ARID1B: variants seen among roughly 807,000 people sequenced by gnomAD.
ARID1B encodes the protein AT-rich interactive domain-containing protein 1B.
Under a neutral mutation model 212.3 loss-of-function variants are expected in ARID1B, and 30 were observed. That is an observed-to-expected ratio of 0.14 (90% CI 0.11 to 0.19). The LOEUF is 0.19. Ranked by LOEUF, ARID1B falls within the 10% of genes least tolerant of loss-of-function variation. ARID1B has a pLI of 1.00. For synonymous variants in ARID1B, 1,402 were observed against 1,301.7 expected, an observed-to-expected ratio of 1.08 and a Z score of -1.66; for missense variants, 2,891 against 3,204.0, an observed-to-expected ratio of 0.90 and a Z score of 2.36.
At chr6:157,159,893 CCTTTA>C (rs1186182415) in intron 8 of ARID1B, among the ~76,000 whole-genome samples, 1 of 152,216 alleles carries the variant, frequency 6.6e-6, no homozygotes, top group Non-Finnish European at 1.5e-5. Context: ...TACTACTGTT[CCTTTA>C]CTTAGAAGTT....
intron 4 of ARID1B, among the ~76,000 whole-genome samples, chr6:157,081,957 GC>G (rs1391543374): frequency 6.6e-6 from 1 of 151,858 alleles, no homozygotes; most frequent in Non-Finnish European, 1.5e-5. Flanking sequence ...AACATGAAAA[GC>G]CTATTTCCTG....
chr6:156,860,939 T>G (rs1331103653), intron 2 of ARID1B, among the ~76,000 whole-genome samples: 2 of 152,218 alleles, frequency 1.3e-5, no homozygotes, highest in African/African-American at 4.8e-5. Flanking sequence ...GCAACCAACA[T>G]TTTAGAATTT....
chr6:157,148,780 G>C lies in ARID1B; in HGVS notation c.2918G>C (p.Gly973Ala), dbSNP rs771600870. Reference protein sequence around the residue: ...AVPLGRMPSAGMQNRPFPGNM... With the variant: ...AVPLGRMPSAAMQNRPFPGNM... ...CCCCTGGGACGAATGCCATCAGCTGGGATGCAGAACAGACCATTTCCTGGA... is the reference window on the plus strand; with the variant it reads ...CCCCTGGGACGAATGCCATCAGCTGCGATGCAGAACAGACCATTTCCTGGA... Residue 973 changes from glycine to alanine, a missense_variant, in exon 8 of 20, where the codon GGG (glycine) becomes GCG (alanine). Around this residue, in one of 7 missense-constraint regions of ARID1B, gnomAD observed 1,643 missense variants for 1,544.0 expected, o/e 1.06. Coordinates refer to ENST00000636930, the MANE Select transcript of ARID1B (RefSeq NM_001374828.1). The surrounding 1 kb of genome is among the most constrained non-coding windows in gnomAD (Gnocchi z 5.6). 1.2e-6 allele frequency: 2 copies of C among 1,613,078 alleles called. No individual in the cohort carries two copies. The highest frequency in any genetic ancestry group is 1.7e-6 in the Non-Finnish European group (2 of 1,179,936).
At position 156,935,481 on chromosome 6, in the gene ARID1B, G is replaced by T. The variant is rs1792120580; in HGVS notation, c.2152G>T (p.Gly718Cys). ...YQPQQDMSQE[G>C]YGTRSQPPLA... is the part of the protein sequence containing the mutation. ...TTTTTTTTAGGACATGTCTCAGGAA[G>T]GCTATGGAACTAGATCTCAACCTCC... Residue 718 changes from glycine (G) to cysteine (C), a missense_variant, in exon 4 of 20, where the codon GGC becomes TGC. By Grantham distance (159) the Gly-to-Cys change is radical. This residue lies in a region of ARID1B where 1,643 missense variants were observed against 1,544.0 expected (regional missense o/e 1.06). Coordinates refer to ENST00000636930, the MANE Select transcript of ARID1B (RefSeq NM_001374828.1). 5 of 1,613,016 alleles carry T rather than the reference G, an allele frequency of 3.1e-6. No individual in the cohort carries two copies. The East Asian group carries it at 1.1e-4, about 36-fold the overall frequency.
intron 2 of ARID1B, among the ~76,000 whole-genome samples, chr6:156,866,262 G>A (rs996805007): frequency 2.6e-5 from 4 of 152,162 alleles, no homozygotes; most frequent in Non-Finnish European, 5.9e-5. Flanking sequence ...TCTTCTACGA[G>A]GAGGAAATCT....
At chr6:157,161,454 T>TATATA (rs1790939734) in intron 8 of ARID1B, among the ~76,000 whole-genome samples, 1 of 149,136 alleles carries the variant, frequency 6.7e-6, no homozygotes, top group African/African-American at 2.5e-5. Flanking sequence ...TATATATATA[T>TATATA]TTTGGCGGGG....
chr6:156,990,387 A>G, intron 4 of ARID1B, among the ~76,000 whole-genome samples: 1 of 152,064 alleles, frequency 6.6e-6, no homozygotes, highest in Non-Finnish European at 1.5e-5. Context: ...TCACACCTGT[A>G]ATCCCAGCAC....
In ARID1B at chr6:156,988,753, G is replaced by A. The variant is rs116591228; in HGVS notation, c.2247+53177G>A. ...AATCACTTCCGACACACTTCAGCAT[G>A]TTGAGCCATCTGATAGGGAGGGACA... On this transcript the variant is annotated intron_variant, in intron 4 of 19. Coordinates refer to ENST00000636930, the MANE Select transcript of ARID1B (RefSeq NM_001374828.1). 2.4e-3 allele frequency among the ~76,000 whole-genome samples: 368 copies of A among 152,262 alleles called. 4 individuals are homozygous for A. Among genetic ancestry groups the A allele is most frequent in the African/African-American group, 8.3e-3 (343 of 41,542 alleles).
Position 157,208,026 on chromosome 6 carries a change from C to A in ARID1B, c.*135C>A. ...CTCCTCTGCCCCATTCACTATTTACCAATTGGGAATTAAAGAAATAATTAA... is the reference window on the plus strand; with the variant it reads ...CTCCTCTGCCCCATTCACTATTTACAAATTGGGAATTAAAGAAATAATTAA... On this transcript the variant is annotated 3_prime_UTR_variant, in exon 20 of 20. Coordinates refer to ENST00000636930, the MANE Select transcript of ARID1B (RefSeq NM_001374828.1). 3 of 912,612 alleles carry A rather than the reference C, an allele frequency of 3.3e-6. No homozygotes were observed. Among genetic ancestry groups the A allele is most frequent in the Non-Finnish European group, 4.5e-6 (3 of 663,828 alleles). 56.5% of individuals were successfully genotyped at this position (912,612 alleles called of 1,614,324 possible). A position where few individuals can be genotyped will look rare whatever the true frequency, so the allele number is the denominator to read the frequency against.
At chr6:156,926,576 T>C (rs970898479) in intron 3 of ARID1B, among the ~76,000 whole-genome samples, 5 of 152,154 alleles carry the variant, frequency 3.3e-5, no homozygotes, top group African/African-American at 1.2e-4. Context: ...AAGTAGATAA[T>C]GGTGTAATTA....
chr6:157,084,343 T>C (rs527249060), intron 4 of ARID1B, among the ~76,000 whole-genome samples: 5 of 152,126 alleles, frequency 3.3e-5, no homozygotes, highest in Non-Finnish European at 7.4e-5. Flanking sequence ...CCAGGCAGAG[T>C]GCTGTCTGTG....
chr6:157,087,981 A>G (rs1785058023), intron 5 of ARID1B, among the ~76,000 whole-genome samples: 1 of 152,212 alleles, frequency 6.6e-6, no homozygotes, highest in Non-Finnish European at 1.5e-5. Flanking sequence ...TCATAGGCAA[A>G]CATTTATGCT....
chr6:156,930,936 A>G (rs1357217260), intron 3 of ARID1B, among the ~76,000 whole-genome samples: 1 of 152,204 alleles, frequency 6.6e-6, no homozygotes, highest in Non-Finnish European at 1.5e-5. Flanking sequence ...TATGCCTGTA[A>G]TCCCAGCACT....
intron 2 of ARID1B, among the ~76,000 whole-genome samples, chr6:156,875,325 G>C (rs1786459651): frequency 6.6e-6 from 1 of 152,222 alleles, no homozygotes; most frequent in Non-Finnish European, 1.5e-5. Flanking sequence ...ACTCATTTGA[G>C]TACCATAAGC....
chr6:156,846,320 AAT>A (rs1464707790), intron 2 of ARID1B, among the ~76,000 whole-genome samples: 122 of 98,430 alleles, frequency 1.2e-3, no homozygotes, highest in African/African-American at 4.7e-3. Flanking sequence ...ACACCTGGCT[AAT>A]ATTTTTTTTT....
intron 4 of ARID1B, among the ~76,000 whole-genome samples, chr6:157,075,094 G>T (rs1784222887): frequency 6.6e-6 from 1 of 152,126 alleles, no homozygotes; most frequent in Non-Finnish European, 1.5e-5. Flanking sequence ...AAATTATTAT[G>T]TAAAATTGCA....
chr6:156,861,839 A>C (rs1785355792), intron 2 of ARID1B, among the ~76,000 whole-genome samples: 1 of 152,124 alleles, frequency 6.6e-6, no homozygotes, highest in South Asian at 2.1e-4. Flanking sequence ...AGGGAGCCTG[A>C]AAGGAAGGTG....
chr6:157,070,125 A>T (rs1467192583), intron 4 of ARID1B, among the ~76,000 whole-genome samples: 1 of 151,484 alleles, frequency 6.6e-6, no homozygotes, highest in African/African-American at 2.4e-5. Flanking sequence ...ACTACTGATC[A>T]TTTTTTTTCT....
intron 3 of ARID1B, among the ~76,000 whole-genome samples, chr6:156,917,392 G>A (rs988910756): frequency 6.6e-6 from 1 of 152,190 alleles, no homozygotes; most frequent in African/African-American, 2.4e-5. Context: ...TGAGTCAGAC[G>A]TTGTTGCTGA....
Sources: gnomAD v4.1 joint callset for allele counts (sites outside exome capture counted in the v4.1 genomes callset) on GRCh38, gnomAD v4.1.1 for gene constraint, gnomAD v4.1.1 regional missense constraint, Gnocchi (gnomAD v3.1) non-coding constraint, MANE v1.5 for transcripts, NCBI Gene and HGNC (gene_info 2026-07-23, HGNC 2026-07-21) for gene names.